Variants in RAD51B observed in about 807,000 individuals in gnomAD.
The protein encoded by RAD51B is RAD51 paralog B.
In RAD51B, 38 loss-of-function variants were observed where a neutral mutation model predicts 42.2. The observed-to-expected ratio is 0.90, with a 90% confidence interval of 0.70 to 1.18. RAD51B has a LOEUF of 1.18. RAD51B is among the 50% of genes most tolerant of loss of function. RAD51B has a pLI of 0.00. For synonymous variants in RAD51B, 154 were observed against 145.2 expected, an observed-to-expected ratio of 1.06 and a Z score of -0.43; for missense variants, 373 against 400.7, an observed-to-expected ratio of 0.93 and a Z score of 0.59.
chr14:68,483,493 G>A (rs1171849347), intron 10 of RAD51B, among the ~76,000 whole-genome samples: 1 of 152,164 alleles, frequency 6.6e-6, no homozygotes, highest in Non-Finnish European at 1.5e-5. Context: ...GGGATAGTGG[G>A]TTCAAGGGAG....
At chr14:68,661,741 A>G (rs935589581) in intron 11 of RAD51B, among the ~76,000 whole-genome samples, 10 of 152,184 alleles carry the variant, frequency 6.6e-5, no homozygotes, top group African/African-American at 2.4e-4. Flanking sequence ...CATGCCCGGT[A>G]GAGGTCTCTT....
intron 5 of RAD51B, among the ~76,000 whole-genome samples, chr14:67,877,255 C>A (rs2042756247): frequency 6.6e-6 from 1 of 152,098 alleles, no homozygotes; most frequent in African/African-American, 2.4e-5. Context: ...ATGCATACAG[C>A]AGCACTGTCA....
intron 7 of RAD51B, among the ~76,000 whole-genome samples, chr14:68,146,598 A>G (rs1163059911): frequency 1.3e-5 from 2 of 152,170 alleles, no homozygotes; most frequent in African/African-American, 4.8e-5. Context: ...TTGCTTCTCT[A>G]TTAGAGGACC....
intron 8 of RAD51B, among the ~76,000 whole-genome samples, chr14:68,352,153 GA>G (rs1332090432): frequency 6.6e-6 from 1 of 152,148 alleles, no homozygotes; most frequent in Non-Finnish European, 1.5e-5. Flanking sequence ...GGTGATAATT[GA>G]GCCATAAAAG....
At chr14:68,624,079 T>C (rs8010921) in intron 10 of RAD51B, among the ~76,000 whole-genome samples, 137,323 of 152,212 alleles carry the variant, frequency 0.9, 62,168 homozygotes, top group African/African-American at 0.97. Context: ...CAACCTCCCC[T>C]GTGGAGGTCC....
chr14:68,249,115 C>T (rs558473674), intron 7 of RAD51B, among the ~76,000 whole-genome samples: 3 of 152,166 alleles, frequency 2.0e-5, no homozygotes, highest in South Asian at 2.1e-4. Context: ...GCTCTGTCAC[C>T]GGTTTGGAAA....
intron 7 of RAD51B, among the ~76,000 whole-genome samples, chr14:68,107,857 G>A (rs1197653774): frequency 6.6e-6 from 1 of 151,744 alleles, no homozygotes; most frequent in Non-Finnish European, 1.5e-5. Flanking sequence ...CTCTTAGAAA[G>A]AGGCCATAGA....
At chr14:68,435,492 GTTT>G (rs35536205) in intron 9 of RAD51B, among the ~76,000 whole-genome samples, 1 of 128,142 alleles carries the variant, frequency 7.8e-6, no homozygotes, top group Non-Finnish European at 1.7e-5. Context: ...GTGGTTTTTG[GTTT>G]TTTTTTTTTT....
chr14:68,245,345 T>G (rs1310647053), intron 7 of RAD51B, among the ~76,000 whole-genome samples: 3 of 152,214 alleles, frequency 2.0e-5, no homozygotes, highest in African/African-American at 4.8e-5. Flanking sequence ...TTGTGATGTA[T>G]TAGTAACACA....
intron 7 of RAD51B, among the ~76,000 whole-genome samples, chr14:68,242,346 C>T (rs562362637): frequency 1.4e-4 from 21 of 152,260 alleles, no homozygotes; most frequent in South Asian, 4.1e-4. Flanking sequence ...ATACGTGGAC[C>T]GCACTTATCA....
intron 8 of RAD51B, among the ~76,000 whole-genome samples, chr14:68,306,076 G>A (rs1054800905): frequency 6.6e-6 from 1 of 152,208 alleles, no homozygotes; most frequent in East Asian, 1.9e-4. Context: ...CTGGGCTAGA[G>A]TTTGGAGGAG....
rs892993882 is a variant in RAD51B, at chr14:68,046,964, G to GT, written c.756+159771dup. Among the ~76,000 whole-genome samples, 576 of 142,370 alleles carry GT rather than the reference G, an allele frequency of 4.0e-3. 2 individuals carry two copies. The highest frequency in any genetic ancestry group is 0.012 in the African/African-American group (456 of 39,006). 93.4% of individuals were successfully genotyped at this position (142,370 alleles called of 152,430 possible). ...TGTTTTGTTTTGTTTTTTGCTTTTT[G>GT]TTTTTTTTTTTATTCTAACATTTCC... On this transcript the variant is annotated intron_variant, in intron 7 of 10. Coordinates refer to ENST00000471583, the MANE Select transcript of RAD51B (RefSeq NM_133510.4).
chr14:67,965,294 G>T (rs1325099987), intron 7 of RAD51B, among the ~76,000 whole-genome samples: 1 of 152,070 alleles, frequency 6.6e-6, no homozygotes, highest in Non-Finnish European at 1.5e-5. Context: ...AACAAGTCCT[G>T]TTTCTTCTAT....
intron 7 of RAD51B, among the ~76,000 whole-genome samples, chr14:68,124,373 A>G (rs1430936002): frequency 6.6e-6 from 1 of 152,232 alleles, no homozygotes; most frequent in Non-Finnish European, 1.5e-5. Flanking sequence ...GTGGCAGATT[A>G]AGAAGACTTT....
Position 68,186,802 on chromosome 14 carries a change from G to A in RAD51B, c.757-105082G>A, listed in dbSNP as rs571955370. 2.0e-5 allele frequency among the ~76,000 whole-genome samples: 3 copies of A among 152,248 alleles called. No individual in the cohort carries two copies. In the East Asian group the frequency reaches 5.8e-4, roughly 29 times the overall value. On this transcript the variant is annotated intron_variant, in intron 7 of 10. Transcript: ENST00000471583. ...TTTCAGCCACTGTGGAAAGCAGTTT[G>A]GAGATTTCTCAAAGAACCTAAAACA...
rs564403039 is a variant in RAD51B, at chr14:68,277,787, G to A, written c.757-14097G>A. On this transcript the variant is annotated intron_variant, in intron 7 of 10. Coordinates refer to ENST00000471583, the MANE Select transcript of RAD51B (RefSeq NM_133510.4). ...AGAGTCTCGCTTTGTCATCCAGGCT[G>A]GAGTGTAGTGGCATAATCTTGGCTC... is the stretch of plus-strand genomic sequence containing the variant. Among the ~76,000 whole-genome samples the A allele has an allele frequency of 3.9e-5, 6 of 152,226 alleles. No homozygotes were observed. In the South Asian group the frequency reaches 1.2e-3, roughly 32 times the overall value.
chr14:68,133,185 C>CT (rs1435738795), intron 7 of RAD51B, among the ~76,000 whole-genome samples: 1 of 152,160 alleles, frequency 6.6e-6, no homozygotes, highest in Non-Finnish European at 1.5e-5. Flanking sequence ...ACTTGAAGTT[C>CT]TTTCCAACTC....
chr14:68,555,138 G>T (rs1888771253), intron 10 of RAD51B, among the ~76,000 whole-genome samples: 1 of 152,106 alleles, frequency 6.6e-6, no homozygotes, highest in Non-Finnish European at 1.5e-5. Flanking sequence ...GAGCTACCGT[G>T]CCCGGCCAAA....
chr14:68,467,988 G>A (rs994543993), intron 9 of RAD51B, among the ~76,000 whole-genome samples, 184 bp from the exon 10 acceptor site: 7 of 152,032 alleles, frequency 4.6e-5, no homozygotes, highest in African/African-American at 1.4e-4. Context: ...GCCTTTTAAG[G>A]TGACCACTTT....
Sources: allele counts gnomAD v4.1 joint callset (sites outside exome capture counted in the v4.1 genomes callset), GRCh38; gene constraint gnomAD v4.1.1; transcripts MANE v1.5; gene names NCBI Gene and HGNC (gene_info 2026-07-23, HGNC 2026-07-21).